AGBL4: variants seen among roughly 807,000 people sequenced by gnomAD.
The protein encoded by AGBL4 is AGBL carboxypeptidase 4.
A neutral mutation model predicts 66.4 loss-of-function variants in AGBL4; 58 were observed. The observed-to-expected ratio is 0.87, with a 90% confidence interval of 0.71 to 1.09. The LOEUF (loss-of-function observed/expected upper bound fraction) is 1.09, where lower values mean the gene tolerates loss of function less well. Among genes scored for constraint, AGBL4 ranks in the 50% least tolerant of loss-of-function variants. The pLI is 0.00. For missense variants in AGBL4, 579 were observed against 631.0 expected (o/e 0.92, Z 0.88); for synonymous variants, 234 against 222.9 (o/e 1.05, Z -0.44).
chr1:48,885,794 C>A (rs1386233201), intron 5 of AGBL4, among the ~76,000 whole-genome samples: 1 of 152,176 alleles, frequency 6.6e-6, no homozygotes, highest in Non-Finnish European at 1.5e-5. Context: ...CCACTGGCTG[C>A]TGGTTATACC....
intron 5 of AGBL4, among the ~76,000 whole-genome samples, chr1:48,987,274 T>C (rs1408320092): frequency 6.6e-6 from 1 of 151,952 alleles, no homozygotes; most frequent in African/African-American, 2.4e-5. Context: ...TTATCCATAA[T>C]AAATGTCCTT....
At chr1:49,950,504 A>G in intron 1 of AGBL4, among the ~76,000 whole-genome samples, 1 of 151,676 alleles carries the variant, frequency 6.6e-6, no homozygotes, top group Non-Finnish European at 1.5e-5. Flanking sequence ...AATCACCACT[A>G]AAGAACTTAC....
At chr1:49,625,967 C>T (rs1204627462) in intron 3 of AGBL4, among the ~76,000 whole-genome samples, 4 of 152,154 alleles carry the variant, frequency 2.6e-5, no homozygotes, top group Non-Finnish European at 4.4e-5. Flanking sequence ...GGAATTCAAA[C>T]ATCCTTCTCT....
chr1:49,479,702 T>C lies in AGBL4; in HGVS notation c.282+217611A>G, dbSNP rs565166374. Reference sequence around the variant, plus strand: ...TGTACCACATTTTCTTTTCTTTTTTTCTTTTTTTTTTTTTTTTGAGGCAGA... The same window carrying C: ...TGTACCACATTTTCTTTTCTTTTTTCCTTTTTTTTTTTTTTTTGAGGCAGA... On this transcript the variant is annotated intron_variant, in intron 3 of 13. Transcript: ENST00000371839. 3.0e-4 allele frequency among the ~76,000 whole-genome samples: 45 copies of C among 150,952 alleles called. No homozygotes were observed. In the South Asian group the frequency reaches 8.6e-3, roughly 29 times the overall value.
chr1:49,047,424 G>C (rs1023859997), intron 4 of AGBL4, among the ~76,000 whole-genome samples: 5 of 152,088 alleles, frequency 3.3e-5, no homozygotes, highest in African/African-American at 1.2e-4. Flanking sequence ...GAGTCCATTT[G>C]CCTCCTACTC....
At chr1:49,785,525 T>A (rs1283043788) in intron 2 of AGBL4, among the ~76,000 whole-genome samples, 1 of 151,948 alleles carries the variant, frequency 6.6e-6, no homozygotes, top group African/African-American at 2.4e-5. Context: ...AATTAGAAAT[T>A]TGCTGAATAC....
chr1:49,587,662 T>A (rs146005224), intron 3 of AGBL4, among the ~76,000 whole-genome samples: 2 of 152,248 alleles, frequency 1.3e-5, no homozygotes, highest in East Asian at 3.9e-4. Flanking sequence ...TGGCATCATG[T>A]TGCTAAACAG....
chr1:49,928,584 A>T (rs1653026049), intron 1 of AGBL4, among the ~76,000 whole-genome samples: 1 of 152,174 alleles, frequency 6.6e-6, no homozygotes, highest in Non-Finnish European at 1.5e-5. Flanking sequence ...TTGGAAGAGG[A>T]AGGATAGAGA....
intron 11 of AGBL4, among the ~76,000 whole-genome samples, chr1:48,582,887 A>G (rs980718573): frequency 1.3e-5 from 2 of 152,184 alleles, no homozygotes; most frequent in Non-Finnish European, 2.9e-5. Flanking sequence ...TGCTTTTCCA[A>G]GGAGAAGAAC....
intron 4 of AGBL4, among the ~76,000 whole-genome samples, chr1:49,152,286 C>T (rs769979085): frequency 6.6e-6 from 1 of 152,178 alleles, no homozygotes. Flanking sequence ...GGAAGCACTC[C>T]CTTCCTGTAT....
chr1:49,505,783 T>A (rs1355986235), intron 3 of AGBL4, among the ~76,000 whole-genome samples: 2 of 151,988 alleles, frequency 1.3e-5, no homozygotes, highest in Non-Finnish European at 2.9e-5. Context: ...TTTCCCTGGA[T>A]TTGGAATATT....
chr1:48,604,137 CAAAACA>C (rs1645118934), intron 9 of AGBL4, among the ~76,000 whole-genome samples: 1 of 101,752 alleles, frequency 9.8e-6, no homozygotes. Flanking sequence ...CATCTCAAAA[CAAAACA>C]AAACAAAACA....
intron 6 of AGBL4, among the ~76,000 whole-genome samples, chr1:48,814,488 T>A (rs943863183): frequency 5.9e-5 from 9 of 152,138 alleles, no homozygotes; most frequent in Non-Finnish European, 1.2e-4. Context: ...TAGCTGAAAT[T>A]ATATAACTAT....
At chr1:49,489,865 T>C (rs932334357) in intron 3 of AGBL4, among the ~76,000 whole-genome samples, 1 of 151,868 alleles carries the variant, frequency 6.6e-6, no homozygotes, top group African/African-American at 2.4e-5. Context: ...TTCTCTATTC[T>C]TTTCTATCGG....
At chr1:48,664,363 A>G (rs564390869) in intron 6 of AGBL4, among the ~76,000 whole-genome samples, 2 of 152,348 alleles carry the variant, frequency 1.3e-5, no homozygotes, top group African/African-American at 4.8e-5. Flanking sequence ...CACAGGGCTA[A>G]GAATCATTTG....
At chr1:49,941,072 A>C (rs1039675180) in intron 1 of AGBL4, among the ~76,000 whole-genome samples, 34 of 152,292 alleles carry the variant, frequency 2.2e-4, no homozygotes, top group African/African-American at 8.2e-4. Flanking sequence ...TGTAGGAGAA[A>C]CTGGTAATCC....
At chr1:49,921,896 A>T (rs748507313) in intron 1 of AGBL4, among the ~76,000 whole-genome samples, 1 of 152,102 alleles carries the variant, frequency 6.6e-6, no homozygotes, top group Non-Finnish European at 1.5e-5. Flanking sequence ...CACTGACTCA[A>T]ATATCAATAT....
At chr1:49,063,479 T>TGGGC (rs1644438011) in intron 4 of AGBL4, among the ~76,000 whole-genome samples, 23 of 152,312 alleles carry the variant, frequency 1.5e-4, no homozygotes, top group Admixed American at 7.2e-4. Flanking sequence ...ACACTGGAGT[T>TGGGC]TAGAAGCAGA....
chr1:48,744,816 C>T (rs983905187), intron 6 of AGBL4, among the ~76,000 whole-genome samples: 28 of 152,190 alleles, frequency 1.8e-4, no homozygotes, highest in African/African-American at 6.5e-4. Context: ...GGGTTCATTT[C>T]TTGCCCCCCA....
Sources: allele counts gnomAD v4.1 joint callset (sites outside exome capture counted in the v4.1 genomes callset), GRCh38; gene constraint gnomAD v4.1.1; transcripts MANE v1.5; gene names NCBI Gene and HGNC (gene_info 2026-07-23, HGNC 2026-07-21).